SYNE1: variants seen among roughly 807,000 people sequenced by gnomAD.
SYNE1 encodes the protein nesprin-1.
SYNE1 carries 616 observed loss-of-function variants against 1,111.0 expected under a neutral mutation model. The ratio of observed to expected loss-of-function variants is 0.55; its 90% CI spans 0.52 to 0.59. The LOEUF is 0.59. Ranked by LOEUF, SYNE1 falls within the 20% of genes least tolerant of loss-of-function variation. The pLI is 0.00. For synonymous variants in SYNE1, 3,855 were observed against 3,825.8 expected, an observed-to-expected ratio of 1.01 and a Z score of -0.28; for missense variants, 10,006 against 10,417.0, an observed-to-expected ratio of 0.96 and a Z score of 1.72.
chr6:152,166,626 T>C (rs993771904), intron 130 of SYNE1, among the ~76,000 whole-genome samples: 1 of 152,238 alleles, frequency 6.6e-6, no homozygotes, highest in Non-Finnish European at 1.5e-5. Flanking sequence ...TAGTATGCAA[T>C]ATGTCAAGGG....
At chr6:152,531,523 T>A (rs1297490909) in intron 4 of SYNE1, among the ~76,000 whole-genome samples, 2 of 152,202 alleles carry the variant, frequency 1.3e-5, no homozygotes, top group African/African-American at 4.8e-5. Flanking sequence ...TAATATAAAA[T>A]GTGCCATGTT....
chr6:152,168,404 T>C (rs1409203013), intron 130 of SYNE1: 4 of 555,798 alleles, frequency 7.2e-6, no homozygotes, highest in African/African-American at 3.8e-5. Flanking sequence ...CATTAACATG[T>C]GCCAGGCTTG....
intron 80 of SYNE1, 152 bp from the exon 81 acceptor site, chr6:152,325,454 T>C: frequency 1.4e-6 from 1 of 718,516 alleles, no homozygotes; most frequent in Non-Finnish European, 2.3e-6. Context: ...CTTACTTTTA[T>C]GTTTATTTTT....
intron 4 of SYNE1, among the ~76,000 whole-genome samples, chr6:152,530,854 A>C (rs2099195332): frequency 6.6e-6 from 1 of 151,706 alleles, no homozygotes; most frequent in Non-Finnish European, 1.5e-5. Flanking sequence ...CGATCTCCTG[A>C]CCTCATGATC....
At chr6:152,350,801 G>A in intron 70 of SYNE1, 31 bp from the exon 71 acceptor site, 3 of 1,613,654 alleles carry the variant, frequency 1.9e-6, no homozygotes, top group South Asian at 1.1e-5. Context: ...AAATGAGCCT[G>A]CTCATCTCCG....
In SYNE1 at chr6:152,465,249, C is replaced by A. The variant is rs746181375; in HGVS notation, c.1932+9G>T. 9 of 1,613,128 alleles carry A rather than the reference C, an allele frequency of 5.6e-6. No homozygotes were observed. Among genetic ancestry groups the A allele is most frequent in the Non-Finnish European group, 7.6e-6 (9 of 1,179,524 alleles). ...AAACGTCTTTTCTTTTTGCATGAAC[C>A]AATCTTACCTTTTTGGCATTTTCTG... On this transcript the variant is annotated intron_variant, in intron 18 of 145. Coordinates refer to ENST00000367255, the MANE Select transcript of SYNE1 (RefSeq NM_182961.4).
intron 125 of SYNE1, 136 bp from the exon 126 acceptor site, chr6:152,206,498 T>C (rs2076535898): frequency 4.7e-6 from 4 of 854,528 alleles, no homozygotes; most frequent in South Asian, 1.5e-5. Flanking sequence ...TGCACATGCA[T>C]GCACCAGTGA....
At chr6:152,164,428 G>GAAAAACAATCTTTTT in intron 130 of SYNE1, 103 bp from the exon 131 acceptor site, 3 of 1,397,190 alleles carry the variant, frequency 2.1e-6, no homozygotes, top group Non-Finnish European at 3.0e-6. Context: ...TTTTTAGGCA[G>GAAAAACAATCTTTTT]AGTTAGAAAC....
At chr6:152,186,594 A>AAAAAG (rs2070124500) in intron 128 of SYNE1, among the ~76,000 whole-genome samples, 1 of 127,948 alleles carries the variant, frequency 7.8e-6, no homozygotes, top group Non-Finnish European at 1.6e-5. Flanking sequence ...AAAAAAAAAA[A>AAAAAG]AAGAAGAAGA....
In SYNE1 at chr6:152,329,784, G is replaced by C. The variant is rs889983594; in HGVS notation, c.14901C>G (p.Leu4967=). The part of the protein sequence containing the change: ...ELISADLEHS[L]AELSELDGDI... ...CTCCATCCAGCTCTGAGAGCTCAGC[G>C]AGGCTGTGTTCTAAATCCGCAGAAA... The change falls in exon 78 of 146, where the codon CTC becomes CTG. Residue 4967 remains leucine, a synonymous_variant. Transcript: ENST00000367255. 6.8e-6 allele frequency: 11 copies of C among 1,614,190 alleles called. No individual in the cohort carries two copies. The highest frequency in any genetic ancestry group is 1.3e-5 in the African/African-American group (1 of 75,044).
At chr6:152,359,563 G>A (rs2096896391) in intron 64 of SYNE1, 105 bp from the exon 65 acceptor site, 1 of 1,439,992 alleles carries the variant, frequency 6.9e-7, no homozygotes, top group African/African-American at 1.4e-5. Context: ...AGTGACCTCA[G>A]GTTATTTATT....
chr6:152,406,784 C>G (rs1563771283), intron 45 of SYNE1, among the ~76,000 whole-genome samples: 4 of 152,132 alleles, frequency 2.6e-5, no homozygotes, highest in Admixed American at 2.6e-4. Context: ...AGGAGAATCG[C>G]TTGAACCCAG....
intron 3 of SYNE1, among the ~76,000 whole-genome samples, chr6:152,611,294 G>A (rs2099630583): frequency 6.8e-6 from 1 of 147,186 alleles, no homozygotes; most frequent in African/African-American, 2.5e-5. Flanking sequence ...TAAAGGGATG[G>A]AGGAAGATCT....
At chr6:152,411,318 A>G (rs769271649) in intron 42 of SYNE1, among the ~76,000 whole-genome samples, 1 of 152,114 alleles carries the variant, frequency 6.6e-6, no homozygotes, top group Non-Finnish European at 1.5e-5. Flanking sequence ...AAGTCCTCCA[A>G]TCCTTTTTCA....
In SYNE1 at chr6:152,164,264, G is replaced by C. The variant is rs1435447137; in HGVS notation, c.23689C>G (p.Leu7897Val). The C allele has an allele frequency of 6.2e-7, 1 of 1,614,168 alleles. No individual in the cohort carries two copies. The highest frequency in any genetic ancestry group is 1.1e-5 in the South Asian group (1 of 91,082). The change falls in exon 131 of 146, where the codon CTG becomes GTG. Residue 7897 changes from leucine to valine, a missense_variant. Transcript: ENST00000367255. ...VQQLDKNMSSLRTWLAHIESE... is the reference protein window; with the variant it reads ...VQQLDKNMSSVRTWLAHIESE... ...TCGATGTGAGCGAGCCAGGTCCTCAGGCTGCTCATGTTCTTATCAAGCTGC... is the reference window on the plus strand; with the variant it reads ...TCGATGTGAGCGAGCCAGGTCCTCACGCTGCTCATGTTCTTATCAAGCTGC...
intron 59 of SYNE1, among the ~76,000 whole-genome samples, chr6:152,371,900 A>AAGGAAAGGAAAGGACAGGAC (rs2097193713): frequency 5.5e-5 from 5 of 90,302 alleles, no homozygotes; most frequent in African/African-American, 1.9e-4. Context: ...AAGGAAAGGA[A>AAGGAAAGGAAAGGACAGGAC]AGGAAAGGAA....
intron 28 of SYNE1, 112 bp from the exon 29 acceptor site, chr6:152,447,734 A>G: frequency 7.8e-7 from 1 of 1,283,270 alleles, no homozygotes. Flanking sequence ...ATAGAGCCAG[A>G]CATCATTCAG....
At chr6:152,443,322 T>TG (rs2098549576) in intron 30 of SYNE1, among the ~76,000 whole-genome samples, 1 of 152,178 alleles carries the variant, frequency 6.6e-6, no homozygotes, top group South Asian at 2.1e-4. Context: ...TGGAGTGCAG[T>TG]GGGGCAATCT....
At chr6:152,352,786 C>T (rs916026972) in intron 69 of SYNE1, among the ~76,000 whole-genome samples, 12 of 152,182 alleles carry the variant, frequency 7.9e-5, no homozygotes, top group African/African-American at 2.9e-4. Context: ...TGTTGACATT[C>T]ATAACCAGAT....
Sources: gnomAD v4.1 joint callset for allele counts (sites outside exome capture counted in the v4.1 genomes callset) on GRCh38, gnomAD v4.1.1 for gene constraint, MANE v1.5 for transcripts, NCBI Gene and HGNC (gene_info 2026-07-23, HGNC 2026-07-21) for gene names.